Variants in CSMD1 observed in about 807,000 individuals in gnomAD.
CSMD1 encodes the protein CUB and sushi domain-containing protein 1.
CSMD1 carries 213 observed loss-of-function variants against 417.5 expected under a neutral mutation model. The observed-to-expected ratio is 0.51, with a 90% CI of 0.46 to 0.57. The LOEUF (loss-of-function observed/expected upper bound fraction) is 0.57. Among genes scored for constraint, CSMD1 ranks in the 20% least tolerant of loss-of-function variants. The probability of loss-of-function intolerance (pLI) is 0.00; values close to 1 mark genes in which losing one functional copy is unlikely to be tolerated. For missense variants in CSMD1, 6,923 were observed against 4,529.7 expected, an observed-to-expected ratio of 1.53 and a Z score of -15.17; for synonymous variants, 2,862 against 1,736.8, an observed-to-expected ratio of 1.65 and a Z score of -16.11.
intron 12 of CSMD1, among the ~76,000 whole-genome samples, chr8:3,432,841 G>A (rs943436321): frequency 3.3e-5 from 5 of 152,024 alleles, no homozygotes; most frequent in African/African-American, 1.2e-4. Flanking sequence ...ATTCTACATT[G>A]TTTATGTGAA....
At chr8:3,039,375 TCTTCCTTC>T (rs927310806) in intron 50 of CSMD1, among the ~76,000 whole-genome samples, 3 of 131,996 alleles carry the variant, frequency 2.3e-5, no homozygotes, top group African/African-American at 3.9e-5. Flanking sequence ...TACTTTCCTT[TCTTCCTTC>T]CTTCCTTCCC....
chr8:4,293,264 A>T (rs190001413), intron 3 of CSMD1, among the ~76,000 whole-genome samples: 1 of 152,288 alleles, frequency 6.6e-6, no homozygotes. Flanking sequence ...GAGAGACACA[A>T]CAAGGAAGCT....
At chr8:4,020,742 T>G (rs919604272) in intron 4 of CSMD1, among the ~76,000 whole-genome samples, 2 of 152,244 alleles carry the variant, frequency 1.3e-5, no homozygotes, top group African/African-American at 4.8e-5. Context: ...CTTCATTCAT[T>G]AGACCCAACG....
chr8:4,340,053 G>C (rs1323616451), intron 3 of CSMD1, among the ~76,000 whole-genome samples: 1 of 152,026 alleles, frequency 6.6e-6, no homozygotes, highest in Admixed American at 6.6e-5. Context: ...CATACCGTAT[G>C]TTTTAGGACT....
intron 1 of CSMD1, among the ~76,000 whole-genome samples, chr8:4,940,833 G>A (rs1024095958): frequency 4.6e-5 from 7 of 152,180 alleles, no homozygotes; most frequent in African/African-American, 1.7e-4. Flanking sequence ...TGTACCATGT[G>A]TCAGGTAAGG....
intron 18 of CSMD1, among the ~76,000 whole-genome samples, chr8:3,372,125 T>G (rs62503469): frequency 2.0e-5 from 3 of 151,862 alleles, no homozygotes; most frequent in African/African-American, 7.3e-5. Flanking sequence ...GAAAAAGGGA[T>G]GGGATAGTGT....
chr8:4,132,820 T>G (rs956971451), intron 3 of CSMD1, among the ~76,000 whole-genome samples: 2 of 152,234 alleles, frequency 1.3e-5, no homozygotes, highest in Admixed American at 6.5e-5. Context: ...TTGATATAAA[T>G]GCAGATGATA....
intron 5 of CSMD1, among the ~76,000 whole-genome samples, chr8:3,993,859 CA>C (rs1279078750): frequency 2.8e-4 from 43 of 152,192 alleles, no homozygotes; most frequent in African/African-American, 9.7e-4. Context: ...CCCCTCTAAG[CA>C]TTATGATAAT....
intron 57 of CSMD1, 47 bp from the exon 58 acceptor site, chr8:2,966,793 A>G: frequency 6.3e-7 from 1 of 1,584,852 alleles, no homozygotes; most frequent in Non-Finnish European, 8.6e-7. Context: ...GTGACCCAGC[A>G]TGAAAATGGC....
intron 18 of CSMD1, among the ~76,000 whole-genome samples, chr8:3,380,388 G>C (rs188292668): frequency 3.3e-5 from 5 of 152,144 alleles, no homozygotes; most frequent in Non-Finnish European, 5.9e-5. Context: ...CCCATTACTG[G>C]GTATGTACCC....
At chr8:4,921,955 T>G (rs1352823775) in intron 1 of CSMD1, among the ~76,000 whole-genome samples, 4 of 152,190 alleles carry the variant, frequency 2.6e-5, no homozygotes, top group Non-Finnish European at 4.4e-5. Flanking sequence ...TTTGGAATAC[T>G]TGCCCTCTTC....
chr8:4,210,201 C>G (rs1563278270), intron 3 of CSMD1, among the ~76,000 whole-genome samples: 2 of 152,196 alleles, frequency 1.3e-5, no homozygotes, highest in Admixed American at 1.3e-4. Context: ...TCCTTCACTC[C>G]CTCCCCAAGC....
chr8:3,592,923 G>A (rs774321303), intron 8 of CSMD1, among the ~76,000 whole-genome samples: 2 of 151,966 alleles, frequency 1.3e-5, no homozygotes, highest in Non-Finnish European at 2.9e-5. Flanking sequence ...CCCACAGTGT[G>A]GAATCGATGA....
At chr8:4,682,260 G>A (rs1239424108) in intron 1 of CSMD1, among the ~76,000 whole-genome samples, 1 of 151,948 alleles carries the variant, frequency 6.6e-6, no homozygotes, top group Non-Finnish European at 1.5e-5. Context: ...AAACTCCTGG[G>A]GCTAAAGCAA....
intron 10 of CSMD1, among the ~76,000 whole-genome samples, chr8:3,566,746 T>G (rs976416884): frequency 3.3e-5 from 5 of 152,132 alleles, no homozygotes; most frequent in African/African-American, 1.2e-4. Flanking sequence ...TCACACCAGT[T>G]GGAATGGCTA....
intron 3 of CSMD1, among the ~76,000 whole-genome samples, chr8:4,333,149 A>C (rs1452360938): frequency 6.6e-6 from 1 of 152,168 alleles, no homozygotes; most frequent in Non-Finnish European, 1.5e-5. Context: ...CTGATTGAAC[A>C]TAAGAATTCC....
chr8:4,101,862 G>T (rs996140848), intron 3 of CSMD1, among the ~76,000 whole-genome samples: 3 of 152,108 alleles, frequency 2.0e-5, no homozygotes, highest in Admixed American at 1.3e-4. Flanking sequence ...AATTCAAATT[G>T]CAATTGCCCA....
intron 11 of CSMD1, among the ~76,000 whole-genome samples, chr8:3,492,001 T>C (rs1818406051): frequency 6.6e-6 from 1 of 152,154 alleles, no homozygotes. Context: ...AGCTCTTTGT[T>C]CTCAGGGCAA....
At chr8:3,178,524 T>C (rs1466630522) in intron 37 of CSMD1, among the ~76,000 whole-genome samples, 2 of 152,156 alleles carry the variant, frequency 1.3e-5, no homozygotes, top group Non-Finnish European at 2.9e-5. Flanking sequence ...ATGGTATTCG[T>C]AATAAAATGC....
Sources: allele counts gnomAD v4.1 joint callset (sites outside exome capture counted in the v4.1 genomes callset), GRCh38; gene constraint gnomAD v4.1.1; transcripts MANE v1.5; gene names NCBI Gene and HGNC (gene_info 2026-07-23, HGNC 2026-07-21).